TTC29: variants seen among roughly 807,000 people sequenced by gnomAD.
TTC29 encodes tetratricopeptide repeat domain 29.
Under a neutral mutation model 58.1 loss-of-function variants are expected in TTC29, and 49 were observed. The ratio of observed to expected loss-of-function variants is 0.84; its 90% CI spans 0.67 to 1.07. The LOEUF (loss-of-function observed/expected upper bound fraction) is 1.07. Among genes scored for constraint, TTC29 ranks in the 50% least tolerant of loss-of-function variants. The pLI, the probability that TTC29 is intolerant of heterozygous loss-of-function variation, is 0.00. For missense variants in TTC29, 582 were observed against 555.6 expected, an observed-to-expected ratio of 1.05 and a Z score of -0.48; for synonymous variants, 209 against 196.8, an observed-to-expected ratio of 1.06 and a Z score of -0.52.
chr4:146,715,794 T>C (rs188007331), intron 11 of TTC29, among the ~76,000 whole-genome samples: 1 of 152,286 alleles, frequency 6.6e-6, no homozygotes, highest in African/African-American at 2.4e-5. Flanking sequence ...AAAGAAATGA[T>C]AAATGTTTGA....
intron 5 of TTC29, among the ~76,000 whole-genome samples, chr4:146,906,824 A>AT (rs1241009395): frequency 6.6e-6 from 1 of 152,228 alleles, no homozygotes; most frequent in African/African-American, 2.4e-5. Context: ...TTTGGCTATT[A>AT]TAACTTTGGA....
intron 11 of TTC29, among the ~76,000 whole-genome samples, chr4:146,782,734 T>C (rs1748714548): frequency 6.6e-6 from 1 of 152,038 alleles, no homozygotes; most frequent in Non-Finnish European, 1.5e-5. Flanking sequence ...AGGAGATATA[T>C]ACAGGAGTAG....
chr4:146,847,545 C>T (rs570659260), intron 8 of TTC29, among the ~76,000 whole-genome samples: 1 of 152,192 alleles, frequency 6.6e-6, no homozygotes, highest in East Asian at 1.9e-4. Context: ...AGGCAGGAGC[C>T]GGCACTGAGG....
chr4:146,769,661 T>C (rs1747582351), intron 11 of TTC29, among the ~76,000 whole-genome samples: 1 of 152,020 alleles, frequency 6.6e-6, no homozygotes, highest in Non-Finnish European at 1.5e-5. Context: ...GGTGATATAT[T>C]CTCCATCCAA....
At chr4:146,865,520 A>T (rs1730508135) in intron 8 of TTC29, among the ~76,000 whole-genome samples, 1 of 152,146 alleles carries the variant, frequency 6.6e-6, no homozygotes. Context: ...AGACGACTAG[A>T]GGGAGGAGAG....
chr4:146,907,622 T>TGAGTAGCTGGGATTACAGGC (rs1733611367), intron 5 of TTC29, among the ~76,000 whole-genome samples: 1 of 152,120 alleles, frequency 6.6e-6, no homozygotes, highest in African/African-American at 2.4e-5. Flanking sequence ...CTCAGCCTTC[T>TGAGTAGCTGGGATTACAGGC]GAGTAGCTGG....
At chr4:146,841,735 T>C (rs1287968568) in intron 8 of TTC29, among the ~76,000 whole-genome samples, 4 of 152,034 alleles carry the variant, frequency 2.6e-5, no homozygotes, top group Non-Finnish European at 5.9e-5. Context: ...GAAATCTTTC[T>C]CTGGGTGTTC....
In TTC29 at chr4:146,817,467, T is replaced by A. The variant is rs2150136240; in HGVS notation, c.1101+2658A>T. On this transcript the variant is annotated intron_variant, in intron 10 of 12. Transcript: ENST00000325106. ...CAAATGGAAGAACATTCCATGCTCA[T>A]GGATAGGAAGAATCAATATTGTGAA... Among the ~76,000 whole-genome samples the A allele has an allele frequency of 2.0e-5, 3 of 152,302 alleles. No homozygotes were observed. The East Asian group carries it at 5.8e-4, about 29-fold the overall frequency.
chr4:146,859,034 C>A (rs541670662), intron 8 of TTC29, among the ~76,000 whole-genome samples: 1 of 152,232 alleles, frequency 6.6e-6, no homozygotes, highest in South Asian at 2.1e-4. Context: ...GATATGAGCA[C>A]CTATATGCAT....
At chr4:146,908,851 C>A (rs1296066460) in intron 5 of TTC29, among the ~76,000 whole-genome samples, 175 bp downstream of exon 5, 2 of 152,176 alleles carry the variant, frequency 1.3e-5, no homozygotes, top group African/African-American at 4.8e-5. Context: ...GTCTGGGCAG[C>A]CTCGTGATCC....
chr4:146,933,686 A>T (rs1208289618), intron 4 of TTC29, among the ~76,000 whole-genome samples: 2 of 152,180 alleles, frequency 1.3e-5, no homozygotes, highest in Non-Finnish European at 2.9e-5. Context: ...AATACAATGG[A>T]TTTGATTTTT....
intron 6 of TTC29, among the ~76,000 whole-genome samples, chr4:146,881,866 T>C (rs1448081000): frequency 1.3e-5 from 2 of 152,054 alleles, no homozygotes; most frequent in East Asian, 1.9e-4. Context: ...CCTAATACAC[T>C]GAGAAGAAAA....
chr4:146,872,590 T>G (rs1731003556), intron 7 of TTC29, among the ~76,000 whole-genome samples: 2 of 151,276 alleles, frequency 1.3e-5, no homozygotes. Flanking sequence ...AATAAAAACG[T>G]CTGCCGAGAA....
intron 8 of TTC29, among the ~76,000 whole-genome samples, chr4:146,834,256 TCTA>T (rs1235900058): frequency 6.6e-6 from 1 of 152,212 alleles, no homozygotes; most frequent in Non-Finnish European, 1.5e-5. Flanking sequence ...ATTATAATAT[TCTA>T]CTATGATAGC....
At chr4:146,924,483 G>T (rs1734794453) in intron 4 of TTC29, among the ~76,000 whole-genome samples, 1 of 151,770 alleles carries the variant, frequency 6.6e-6, no homozygotes, top group Non-Finnish European at 1.5e-5. Context: ...GTGAACTTTG[G>T]CAGTGTCTTT....
intron 11 of TTC29, among the ~76,000 whole-genome samples, chr4:146,747,940 T>G (rs927404552): frequency 6.6e-6 from 1 of 151,914 alleles, no homozygotes; most frequent in Admixed American, 6.6e-5. Context: ...GGGAGTGGAG[T>G]CATTGCTGTG....
chr4:146,915,782 T>C (rs1293415447), intron 4 of TTC29, among the ~76,000 whole-genome samples: 1 of 151,866 alleles, frequency 6.6e-6, no homozygotes, highest in Non-Finnish European at 1.5e-5. Context: ...ATTTTTTTCA[T>C]AGGATAAACT....
intron 11 of TTC29, among the ~76,000 whole-genome samples, chr4:146,788,071 C>T (rs1749161716): frequency 6.6e-6 from 1 of 152,126 alleles, no homozygotes; most frequent in African/African-American, 2.4e-5. Flanking sequence ...CGACTGAAAC[C>T]ACCTGAGAGA....
intron 11 of TTC29, among the ~76,000 whole-genome samples, chr4:146,755,587 A>G (rs1746379483): frequency 6.6e-6 from 1 of 152,168 alleles, no homozygotes; most frequent in Admixed American, 6.5e-5. Flanking sequence ...TATGGGATTC[A>G]TGCTAAATGA....
Sources: allele counts gnomAD v4.1 joint callset (sites outside exome capture counted in the v4.1 genomes callset), GRCh38; gene constraint gnomAD v4.1.1; transcripts MANE v1.5; gene names NCBI Gene and HGNC (gene_info 2026-07-23, HGNC 2026-07-21).